Variants in ZBTB7C observed in about 807,000 individuals in gnomAD.
ZBTB7C encodes the protein zinc finger and BTB domain-containing protein 7C.
ZBTB7C carries 8 observed loss-of-function variants against 25.7 expected under a neutral mutation model. That is an observed-to-expected ratio of 0.31 (90% CI 0.18 to 0.56). The LOEUF is 0.56. ZBTB7C is among the 20% of genes least tolerant of loss of function. The pLI, the probability that ZBTB7C is intolerant of heterozygous loss-of-function variation, is 0.91. For missense variants in ZBTB7C, 824 were observed against 855.2 expected (o/e 0.96, Z 0.46); for synonymous variants, 394 against 369.0 (o/e 1.07, Z -0.78).
At chr18:48,345,783 T>C (rs1190760672) in intron 1 of ZBTB7C, among the ~76,000 whole-genome samples, 1 of 152,174 alleles carries the variant, frequency 6.6e-6, no homozygotes, top group Admixed American at 6.5e-5. Flanking sequence ...AGTTCCTGGA[T>C]CCATTTTGCA....
chr18:48,191,048 C>T (rs910914855), intron 2 of ZBTB7C, among the ~76,000 whole-genome samples: 2 of 152,190 alleles, frequency 1.3e-5, no homozygotes, highest in African/African-American at 4.8e-5. Flanking sequence ...CCCAGTGGGG[C>T]CAAATACCTT....
intron 2 of ZBTB7C, among the ~76,000 whole-genome samples, chr18:48,198,989 T>C (rs2042377240): frequency 6.6e-6 from 1 of 152,242 alleles, no homozygotes. Flanking sequence ...CCTCTCATTC[T>C]TGACTGGCAG....
chr18:48,112,424 A>G (rs7231592), intron 3 of ZBTB7C, among the ~76,000 whole-genome samples: 135,212 of 151,656 alleles, frequency 0.89, 60,303 homozygotes, highest in South Asian at 0.96. Context: ...TCAGCTCACC[A>G]CAACCCCTGC....
chr18:48,201,233 A>G (rs1287642131), intron 2 of ZBTB7C, among the ~76,000 whole-genome samples: 1 of 152,214 alleles, frequency 6.6e-6, no homozygotes, highest in Non-Finnish European at 1.5e-5. Flanking sequence ...CATGCTGAGA[A>G]GGAGAATCAC....
At chr18:48,098,433 C>T (rs2038715756) in intron 3 of ZBTB7C, among the ~76,000 whole-genome samples, 1 of 152,176 alleles carries the variant, frequency 6.6e-6, no homozygotes, top group Non-Finnish European at 1.5e-5. Context: ...GTGGCTAGAG[C>T]TAGGATGCTT....
chr18:48,209,701 G>A (rs1055599288), intron 2 of ZBTB7C, among the ~76,000 whole-genome samples: 1 of 151,768 alleles, frequency 6.6e-6, no homozygotes, highest in East Asian at 1.9e-4. Flanking sequence ...GGCTGAGTAA[G>A]TCATGAATGT....
At position 48,367,347 on chromosome 18, in the gene ZBTB7C, C is replaced by CACATATATAT. The variant is rs372363765; in HGVS notation, c.-303-28950_-303-28949insATATATATGT. ...GTGTATATATATACATATATGTGTG[C>CACATATATAT]ATATATATATATATATATATATATA... On this transcript the variant is annotated intron_variant, in intron 1 of 4. Transcript: ENST00000590800. Among the ~76,000 whole-genome samples, 62 of 44,836 alleles carry CACATATATAT rather than the reference C, an allele frequency of 1.4e-3. 1 individual carries two copies. The highest frequency in any genetic ancestry group is 2.7e-3 in the Non-Finnish European group (48 of 17,736). 29.4% of individuals were successfully genotyped at this position (44,836 alleles called of 152,430 possible).
chr18:48,061,843 G>A (rs1425266830), intron 3 of ZBTB7C, among the ~76,000 whole-genome samples: 1 of 152,174 alleles, frequency 6.6e-6, no homozygotes, highest in African/African-American at 2.4e-5. Context: ...TGTTTGTTGA[G>A]TGACTTGCTG....
chr18:48,114,615 TCAGAAG>T (rs1312420024), intron 3 of ZBTB7C, among the ~76,000 whole-genome samples: 1 of 151,742 alleles, frequency 6.6e-6, no homozygotes, highest in African/African-American at 2.4e-5. Flanking sequence ...AAAAAAGTTC[TCAGAAG>T]CAGAAGAAAA....
intron 3 of ZBTB7C, among the ~76,000 whole-genome samples, chr18:48,119,263 T>G (rs1350394271): frequency 6.6e-6 from 1 of 152,278 alleles, no homozygotes; most frequent in Non-Finnish European, 1.5e-5. Flanking sequence ...GTTGATGAGA[T>G]GTAAAACAAT....
intron 2 of ZBTB7C, among the ~76,000 whole-genome samples, chr18:48,318,333 C>A (rs1048437611): frequency 6.6e-6 from 1 of 152,220 alleles, no homozygotes; most frequent in African/African-American, 2.4e-5. Flanking sequence ...AAGTCCTCCC[C>A]TGCCCCCATC....
chr18:48,231,192 C>G (rs2043242758), intron 2 of ZBTB7C, among the ~76,000 whole-genome samples: 2 of 152,148 alleles, frequency 1.3e-5, no homozygotes, highest in Non-Finnish European at 2.9e-5. Flanking sequence ...GAAACCCCAC[C>G]TTCAGGCCAG....
intron 1 of ZBTB7C, among the ~76,000 whole-genome samples, chr18:48,390,458 C>CA (rs1157187263): frequency 6.6e-6 from 1 of 152,082 alleles, no homozygotes; most frequent in African/African-American, 2.4e-5. Flanking sequence ...ACAAAAAATC[C>CA]AGACAATATC....
At chr18:48,145,613 G>T (rs1296691485) in intron 3 of ZBTB7C, among the ~76,000 whole-genome samples, 1 of 152,226 alleles carries the variant, frequency 6.6e-6, no homozygotes, top group Admixed American at 6.5e-5. Flanking sequence ...GATAAGAAGA[G>T]GAAGTGGGGC....
intron 1 of ZBTB7C, among the ~76,000 whole-genome samples, chr18:48,400,835 T>C (rs951081973): frequency 6.6e-6 from 1 of 152,248 alleles, no homozygotes; most frequent in African/African-American, 2.4e-5. Context: ...GCTATATTTC[T>C]ATTAGGCTGC....
chr18:48,151,833 C>T (rs191628662), intron 3 of ZBTB7C, among the ~76,000 whole-genome samples: 243 of 152,310 alleles, frequency 1.6e-3, no homozygotes, highest in African/African-American at 5.4e-3. Context: ...TCTCTCTGCT[C>T]GAGCTCCACA....
Position 48,255,155 on chromosome 18 carries a change from T to C in ZBTB7C, c.-78-69160A>G, listed in dbSNP as rs531477883. ...CCAGCACACAGGATAAAATTCACAA[T>C]GTCTGACATCCAATACAAAATTACC... On this transcript the variant is annotated intron_variant, in intron 2 of 4. Coordinates refer to ENST00000590800, the MANE Select transcript of ZBTB7C (RefSeq NM_001318841.2). Among the ~76,000 whole-genome samples, 4 of 152,238 alleles carry C rather than the reference T, an allele frequency of 2.6e-5. No individual in the cohort carries two copies. The East Asian group carries it at 7.7e-4, about 29-fold the overall frequency.
chr18:48,272,304 G>A (rs1049157164), intron 2 of ZBTB7C, among the ~76,000 whole-genome samples: 1 of 152,200 alleles, frequency 6.6e-6, no homozygotes, highest in African/African-American at 2.4e-5. Flanking sequence ...CTTGAGCTGG[G>A]ACATGCAATC....
Position 48,040,546 on chromosome 18 carries a change from T to A in ZBTB7C, c.562A>T (p.Ser188Cys). 1 of 1,614,016 alleles carries A rather than the reference T, an allele frequency of 6.2e-7. No individual in the cohort carries two copies. Among genetic ancestry groups the A allele is most frequent in the Non-Finnish European group, 8.5e-7 (1 of 1,179,964 alleles). The stretch of plus-strand genomic sequence containing the variant: ...GTGAGATGGTCTGTCTTGGAAGGGC[T>A]TTGGTGGCAGCTGATGTCCTGGGGG... Reference protein sequence around the residue: ...PDPQDISCHQSPSKTDHLTEK... With the variant: ...PDPQDISCHQCPSKTDHLTEK... Residue 188 changes from serine (S) to cysteine (C), a missense_variant, in exon 4 of 5, where the codon AGC (serine) becomes TGC (cysteine). Ser to Cys is a moderately radical substitution (Grantham distance 112). Transcript: ENST00000590800.
Sources: allele counts gnomAD v4.1 joint callset (sites outside exome capture counted in the v4.1 genomes callset), GRCh38; gene constraint gnomAD v4.1.1; transcripts MANE v1.5; gene names NCBI Gene and HGNC (gene_info 2026-07-23, HGNC 2026-07-21).